Variants in ZNF831 observed in about 807,000 individuals in gnomAD.
ZNF831 encodes the protein chromosome 20 open reading frame 174.
Under a neutral mutation model 95.8 loss-of-function variants are expected in ZNF831, and 59 were observed. That is an observed-to-expected ratio of 0.62 (90% CI 0.50 to 0.77). ZNF831 has a LOEUF of 0.77. ZNF831 is among the 30% of genes least tolerant of loss of function. The pLI, the probability that ZNF831 is intolerant of heterozygous loss-of-function variation, is 0.00. For missense variants in ZNF831, 2,205 were observed against 2,164.0 expected, an observed-to-expected ratio of 1.02 and a Z score of -0.38; for synonymous variants, 961 against 925.5, an observed-to-expected ratio of 1.04 and a Z score of -0.70.
At chr20:59,179,030 G>T (rs1425975492) in intron 1 of ZNF831, among the ~76,000 whole-genome samples, 1 of 152,116 alleles carries the variant, frequency 6.6e-6, no homozygotes, top group African/African-American at 2.4e-5. Context: ...AAGGGCGGGG[G>T]GTCCACCCTG....
chr20:59,167,235 G>T (rs919733018), intron 1 of ZNF831, among the ~76,000 whole-genome samples: 2 of 152,064 alleles, frequency 1.3e-5, no homozygotes, highest in African/African-American at 4.8e-5. Flanking sequence ...ACCGTTTTTG[G>T]TGATAACTTG....
chr20:59,220,283 A>G (rs1985993209), intron 4 of ZNF831, among the ~76,000 whole-genome samples: 1 of 152,212 alleles, frequency 6.6e-6, no homozygotes, highest in African/African-American at 2.4e-5. Context: ...TACAAATGGG[A>G]CACAAAAGGC....
Position 59,194,203 on chromosome 20 carries a change from GCA to G in ZNF831, c.3188_3189del (p.His1063LeufsTer8). On this transcript the variant is annotated frameshift_variant, in exon 2 of 6. Coordinates refer to ENST00000371030, the MANE Select transcript of ZNF831 (RefSeq NM_178457.3). LOFTEE classifies it high-confidence loss of function. ...CTCCCCGCCCACTCCAACGTGTGAG[GCA>G]CACTTAGTTCAGGACATGGAGGGTG... The part of the protein sequence containing the change: ...TSSPPTPTCE[A>X]HLVQDMEGDS... The G allele has an allele frequency of 6.2e-7, 1 of 1,611,350 alleles. No individual in the cohort carries two copies. The highest frequency in any genetic ancestry group is 8.5e-7 in the Non-Finnish European group (1 of 1,178,620).
chr20:59,235,078 T>C (rs763426097), intron 4 of ZNF831, among the ~76,000 whole-genome samples: 2 of 152,168 alleles, frequency 1.3e-5, no homozygotes, highest in African/African-American at 2.4e-5. Flanking sequence ...CTTATTTTTA[T>C]GGCACTTTGG....
At chr20:59,170,330 T>C (rs905357662) in intron 1 of ZNF831, among the ~76,000 whole-genome samples, 1 of 152,168 alleles carries the variant, frequency 6.6e-6, no homozygotes, top group Non-Finnish European at 1.5e-5. Flanking sequence ...TTTTGAGATG[T>C]ATTTTTGTTT....
At chr20:59,214,126 A>C (rs576686631) in intron 4 of ZNF831, among the ~76,000 whole-genome samples, 1 of 152,366 alleles carries the variant, frequency 6.6e-6, no homozygotes, top group East Asian at 1.9e-4. Flanking sequence ...GAAAGAAAAA[A>C]GGCCATCCAT....
chr20:59,184,033 C>T (rs1288911412), intron 1 of ZNF831, among the ~76,000 whole-genome samples: 3 of 150,490 alleles, frequency 2.0e-5, no homozygotes, highest in Non-Finnish European at 4.5e-5. Flanking sequence ...CTCTTCATCC[C>T]CTCCTCCCCC....
At chr20:59,245,079 G>A (rs1987523618) in intron 4 of ZNF831, among the ~76,000 whole-genome samples, 1 of 152,142 alleles carries the variant, frequency 6.6e-6, no homozygotes, top group African/African-American at 2.4e-5. Context: ...AAGAAACTTT[G>A]CTTCAGCAAG....
At chr20:59,201,072 G>A (rs182733279) in intron 3 of ZNF831, among the ~76,000 whole-genome samples, 12 of 152,308 alleles carry the variant, frequency 7.9e-5, no homozygotes, top group Admixed American at 5.9e-4. Context: ...GTTTTCCAAA[G>A]TGGTTGTATT....
In ZNF831 at chr20:59,217,075, T is replaced by G. The variant is rs1985735314; in HGVS notation, c.4027+10019T>G. Among the ~76,000 whole-genome samples, 1 of 152,198 alleles carries G rather than the reference T, an allele frequency of 6.6e-6. No homozygotes were observed. On this transcript the variant is annotated intron_variant, in intron 4 of 5. Transcript: ENST00000371030. The surrounding 1 kb of genome is among the most constrained non-coding windows in gnomAD (Gnocchi z 4.4). ...AAAAATGCAATAGATAAGGCTGATGTTCAGTTTCACCACTACCCCATCCCA... is the reference window on the plus strand; with the variant it reads ...AAAAATGCAATAGATAAGGCTGATGGTCAGTTTCACCACTACCCCATCCCA...
At chr20:59,166,572 C>CCT (rs1017906460) in intron 1 of ZNF831, among the ~76,000 whole-genome samples, 1 of 151,944 alleles carries the variant, frequency 6.6e-6, no homozygotes, top group African/African-American at 2.4e-5. Context: ...CTGCTCTCCT[C>CCT]CTCTCTCTCT....
chr20:59,240,869 C>G (rs1987296960), intron 4 of ZNF831, among the ~76,000 whole-genome samples: 1 of 152,066 alleles, frequency 6.6e-6, no homozygotes. Context: ...TTTATTCCCT[C>G]TCTTTCCTAA....
At chr20:59,154,945 A>G (rs947615045) in intron 2 of ZNF831, among the ~76,000 whole-genome samples, 2 of 151,808 alleles carry the variant, frequency 1.3e-5, no homozygotes, top group African/African-American at 4.8e-5. Flanking sequence ...TCATGTACAT[A>G]TTTTCCTATT....
At chr20:59,250,903 C>T (rs1181107769) in intron 4 of ZNF831, among the ~76,000 whole-genome samples, 5 of 151,650 alleles carry the variant, frequency 3.3e-5, no homozygotes, top group African/African-American at 9.7e-5. Flanking sequence ...ATCCAATAAC[C>T]CAATAAGGGC....
intron 1 of ZNF831, chr20:59,123,595 C>T (rs1400462234): frequency 6.5e-6 from 1 of 152,786 alleles, no homozygotes; most frequent in African/African-American, 2.4e-5. Context: ...TTGGGGACCC[C>T]CAAATGGGGA....
chr20:59,253,869 C>CCCTTTT, intron 5 of ZNF831, 29 bp from the exon 6 acceptor site: 9 of 1,067,572 alleles, frequency 8.4e-6, no homozygotes, highest in South Asian at 4.0e-5. Flanking sequence ...TCCCCCCCCA[C>CCCTTTT]TTTTTTTTTC....
intron 1 of ZNF831, among the ~76,000 whole-genome samples, chr20:59,130,664 G>A (rs1013739430): frequency 3.3e-5 from 5 of 152,188 alleles, no homozygotes; most frequent in African/African-American, 1.2e-4. Flanking sequence ...GAAGCTGCTG[G>A]TAATGTGATT....
chr20:59,128,305 C>T (rs929978679), intron 1 of ZNF831, among the ~76,000 whole-genome samples: 11 of 152,134 alleles, frequency 7.2e-5, no homozygotes, highest in East Asian at 1.9e-4. Flanking sequence ...CAGTGGCCAG[C>T]GTGCATACTC....
chr20:59,135,758 C>T (rs950449142), intron 1 of ZNF831, among the ~76,000 whole-genome samples: 31 of 152,210 alleles, frequency 2.0e-4, no homozygotes, highest in African/African-American at 7.5e-4. Flanking sequence ...ATAATCCAGG[C>T]ATGATGGTGC....
Sources: allele counts gnomAD v4.1 joint callset (sites outside exome capture counted in the v4.1 genomes callset), GRCh38; gene constraint gnomAD v4.1.1; non-coding constraint Gnocchi (gnomAD v3.1); transcripts MANE v1.5; gene names NCBI Gene and HGNC (gene_info 2026-07-23, HGNC 2026-07-21).